Variants in RRP9 observed in about 807,000 individuals in gnomAD.
RRP9 encodes U3 small nucleolar RNA-interacting protein 2.
A neutral mutation model predicts 65.5 loss-of-function variants in RRP9; 35 were observed. The ratio of observed to expected loss-of-function variants is 0.53; its 90% CI spans 0.41 to 0.71. RRP9 has a LOEUF of 0.71. Ranked by LOEUF, RRP9 falls within the 30% of genes least tolerant of loss-of-function variation. The pLI, the probability that RRP9 is intolerant of heterozygous loss-of-function variation, is 0.00. For missense variants in RRP9, 533 were observed against 633.6 expected (o/e 0.84, Z 1.70); for synonymous variants, 254 against 245.0 (o/e 1.04, Z -0.34).
rs1232720095 is a variant in RRP9, at chr3:51,933,533, G to T, written c.1401C>A (p.Val467=). 27 of 1,614,050 alleles carry T rather than the reference G, an allele frequency of 1.7e-5. No individual in the cohort carries two copies. Among genetic ancestry groups the T allele is most frequent in the Middle Eastern group, 1.6e-4 (1 of 6,062 alleles). ...AGGAACCAGCAGCTGGGGGTACAGGGACCCTGCGGAGTGGGATGATGCAGA... is the reference window on the plus strand; with the variant it reads ...AGGAACCAGCAGCTGGGGGTACAGGTACCCTGCGGAGTGGGATGATGCAGA... ...NSVCIIPLRR[V]PVPPAAGS The change falls in exon 15 of 15, where the codon GTC becomes GTA. Residue 467 remains valine (V), a synonymous_variant. Transcript: ENST00000232888.
In RRP9 at chr3:51,934,886, G is replaced by A; in HGVS notation, c.1035-110C>T. 1 of 1,204,492 alleles carries A rather than the reference G, an allele frequency of 8.3e-7. No individual in the cohort carries two copies. The highest frequency in any genetic ancestry group is 2.4e-5 in the East Asian group (1 of 41,346). The allele number at this position is 1,204,492 out of a possible 1,614,324, so 74.6% of individuals were successfully genotyped here. A position where few individuals can be genotyped will look rare whatever the true frequency, so the allele number is the denominator to read the frequency against. ...GGATGGATACCCCATTTCCCATGATGTGATTATTACATATTGCATGCCTGT... is the reference window on the plus strand; with the variant it reads ...GGATGGATACCCCATTTCCCATGATATGATTATTACATATTGCATGCCTGT... On this transcript the variant is annotated intron_variant, in intron 11 of 14. Coordinates refer to ENST00000232888, the MANE Select transcript of RRP9 (RefSeq NM_004704.5). The surrounding 1 kb of genome is among the most constrained non-coding windows in gnomAD (Gnocchi z 4.1).
In RRP9 at chr3:51,935,446, C is replaced by A; in HGVS notation, c.867G>T (p.Leu289=). ...LFGHQDAVAA[L]DALSRECCVT... ...CACAGCACTCCCGGCTCAAGGCATC[C>A]AGTGCAGCCACAGCGTCCTGGTGTC... The change falls in exon 10 of 15, where the codon CTG becomes CTT. Residue 289 remains leucine (L), a synonymous_variant. Coordinates refer to ENST00000232888, the MANE Select transcript of RRP9 (RefSeq NM_004704.5). 1 of 1,614,186 alleles carries A rather than the reference C, an allele frequency of 6.2e-7. No individual in the cohort carries two copies. The highest frequency in any genetic ancestry group is 8.5e-7 in the Non-Finnish European group (1 of 1,180,040).
chr3:51,938,274 G>A (rs1699481449), intron 2 of RRP9, 70 bp from the exon 3 acceptor site: 3 of 1,204,172 alleles, frequency 2.5e-6, no homozygotes, highest in Admixed American at 2.5e-5. Flanking sequence ...CGTGCCTTCT[G>A]GATGCTCACC....
chr3:51,935,118 G>A, intron 11 of RRP9, 79 bp downstream of exon 11: 2 of 1,504,290 alleles, frequency 1.3e-6, no homozygotes, highest in Non-Finnish European at 9.2e-7. Context: ...GGGGTGCCCT[G>A]AGGCAAGCTC....
chr3:51,941,288 G>A, intron 2 of RRP9, 121 bp downstream of exon 2: 1 of 890,664 alleles, frequency 1.1e-6, no homozygotes, highest in Non-Finnish European at 1.8e-6. Context: ...AAACAGCCAC[G>A]ATCTCAGAGC....
At position 51,934,878 on chromosome 3, in the gene RRP9, C is replaced by A. The variant is rs1394300317; in HGVS notation, c.1035-102G>T. 6 of 1,264,946 alleles carry A rather than the reference C, an allele frequency of 4.7e-6. No homozygotes were observed. Among genetic ancestry groups the A allele is most frequent in the Non-Finnish European group, 6.6e-6 (6 of 910,886 alleles). The allele number at this position is 1,264,946 out of a possible 1,614,324, so 78.4% of individuals were successfully genotyped here. A position where few individuals can be genotyped will look rare whatever the true frequency, so the allele number is the denominator to read the frequency against. On this transcript the variant is annotated intron_variant, in intron 11 of 14. Coordinates refer to ENST00000232888, the MANE Select transcript of RRP9 (RefSeq NM_004704.5). The surrounding 1 kb of genome is among the most constrained non-coding windows in gnomAD (Gnocchi z 4.1). ...GCTTGAGGGGATGGATACCCCATTT[C>A]CCATGATGTGATTATTACATATTGC...
chr3:51,935,119 A>G (rs1699439807), intron 11 of RRP9, 78 bp downstream of exon 11: 1 of 1,422,236 alleles, frequency 7.0e-7, no homozygotes, highest in Non-Finnish European at 9.8e-7. Context: ...GGGTGCCCTG[A>G]GGCAAGCTCA....
At position 51,937,418 on chromosome 3, in the gene RRP9, G is replaced by A. The variant is rs1272061970; in HGVS notation, c.391-100C>T. ...TTGGCCTTTCCCACCCAGGCCAGAAGGAAAACAAGACCCAAGGCTACAACA... is the reference window on the plus strand; with the variant it reads ...TTGGCCTTTCCCACCCAGGCCAGAAAGAAAACAAGACCCAAGGCTACAACA... On this transcript the variant is annotated intron_variant, in intron 5 of 14. Coordinates refer to ENST00000232888, the MANE Select transcript of RRP9 (RefSeq NM_004704.5). This position sits in a 1 kb window ranked among gnomAD's most constrained non-coding sequence, Gnocchi z 5.0. 3.1e-6 allele frequency: 5 copies of A among 1,605,738 alleles called. No homozygotes were observed. Among genetic ancestry groups the A allele is most frequent in the African/African-American group, 1.3e-5 (1 of 74,702 alleles).
In RRP9 at chr3:51,935,645, G is replaced by A. The variant is rs367929424; in HGVS notation, c.783C>T (p.His261=). The A allele has an allele frequency of 7.4e-6, 12 of 1,614,066 alleles. No individual in the cohort carries two copies. Among genetic ancestry groups the A allele is most frequent in the East Asian group, 2.2e-5 (1 of 44,886 alleles). The change falls in exon 9 of 15, where the codon CAC becomes CAT. Residue 261 remains histidine, a synonymous_variant. Transcript: ENST00000232888. Reference sequence around the variant, plus strand: ...CATTCCACACCTTCACGGAGCGATCGTGGGATGTGCTGTAGAGCTGGTGGG... The same window carrying A: ...CATTCCACACCTTCACGGAGCGATCATGGGATGTGCTGTAGAGCTGGTGGG... ...RGTHQLYSTS[H]DRSVKVWNVA... is the part of the protein sequence containing the mutation.
Position 51,935,605 on chromosome 3 carries a change from A to G in RRP9, c.823T>C (p.Tyr275His). ...VKVWNVAENS[Y>H]VETLFGHQDA... ...ATCCACACTCACAGCGTCTCCACGT[A>G]GGAGTTCTCTGCCACATTCCACACC... The change falls in exon 9 of 15, where the codon TAC becomes CAC. Residue 275 changes from tyrosine to histidine, a missense_variant. Transcript: ENST00000232888. The G allele has an allele frequency of 3.7e-6, 6 of 1,614,158 alleles. No individual in the cohort carries two copies. The highest frequency in any genetic ancestry group is 4.2e-6 in the Non-Finnish European group (5 of 1,179,992).
Position 51,937,851 on chromosome 3 carries a change from A to G in RRP9, c.281-115T>C. 3 of 1,293,390 alleles carry G rather than the reference A, an allele frequency of 2.3e-6. No individual in the cohort carries two copies. In the South Asian group the frequency reaches 4.0e-5, roughly 17 times the overall value. The allele number at this position is 1,293,390 out of a possible 1,614,324, so 80.1% of individuals were successfully genotyped here. On this transcript the variant is annotated intron_variant, in intron 3 of 14. Transcript: ENST00000232888. The surrounding 1 kb of genome is among the most constrained non-coding windows in gnomAD (Gnocchi z 5.0). The stretch of plus-strand genomic sequence containing the variant: ...TAATGCAGGAAGCTCCAGCTGCCTC[A>G]GCAGAGGGGAGGGCAAGCTGGAGGG...
At position 51,937,466 on chromosome 3, in the gene RRP9, T is replaced by TG; in HGVS notation, c.390+78_390+79insC. ...ACAACCAGATCCTTACCTGACCAGA[T>TG]AGGCCCAAGTGTCCACCATGTTCCA... On this transcript the variant is annotated intron_variant, in intron 5 of 14. Transcript: ENST00000232888. The surrounding 1 kb of genome is among the most constrained non-coding windows in gnomAD (Gnocchi z 5.0). 1.9e-6 allele frequency: 3 copies of TG among 1,607,106 alleles called. No individual in the cohort carries two copies. Among genetic ancestry groups the TG allele is most frequent in the Non-Finnish European group, 2.6e-6 (3 of 1,173,804 alleles).
rs757946787 is a variant in RRP9, at chr3:51,934,480, T to C, written c.1252A>G (p.Ile418Val). 1.4e-5 allele frequency: 23 copies of C among 1,613,330 alleles called. No homozygotes were observed. In the South Asian group the frequency reaches 2.2e-4, roughly 15 times the overall value. Reference sequence around the variant, plus strand: ...CAAGCACACTCACTCACCAGGGGGATGTCACAGAGAAGGTCAAGCTGCCGG... The same window carrying C: ...CAAGCACACTCACTCACCAGGGGGACGTCACAGAGAAGGTCAAGCTGCCGG... ...GFRQLDLLCD[I>V]PLVGFINSLK... Residue 418 changes from isoleucine (I) to valine (V), a missense_variant, in exon 13 of 15, where the codon ATC (isoleucine) becomes GTC (valine). Ile to Val is a conservative substitution (Grantham distance 29). Transcript: ENST00000232888. This position sits in a 1 kb window ranked among gnomAD's most constrained non-coding sequence, Gnocchi z 4.1.
chr3:51,934,417 A>G lies in RRP9; in HGVS notation c.1260+55T>C. 6.5e-7 allele frequency: 1 copy of G among 1,536,158 alleles called. No individual in the cohort carries two copies. Among genetic ancestry groups the G allele is most frequent in the Non-Finnish European group, 8.9e-7 (1 of 1,129,350 alleles). ...AGAAAGACCTTAAAGAGCTAACTCC[A>G]GGGGCCTAGGCAGTGTGGCAGAGAC... On this transcript the variant is annotated intron_variant, in intron 13 of 14. Transcript: ENST00000232888. This position sits in a 1 kb window ranked among gnomAD's most constrained non-coding sequence, Gnocchi z 4.1.
At position 51,936,335 on chromosome 3, in the gene RRP9, G is replaced by A; in HGVS notation, c.657C>T (p.Arg219=). 1 of 1,614,194 alleles carries A rather than the reference G, an allele frequency of 6.2e-7. No individual in the cohort carries two copies. The highest frequency in any genetic ancestry group is 8.5e-7 in the Non-Finnish European group (1 of 1,180,028). The change falls in exon 8 of 15, where the codon CGC becomes CGT. Residue 219 remains arginine (R), a synonymous_variant. Transcript: ENST00000232888. Reference sequence around the variant, plus strand: ...CCTCCCAAATGAGAATGAGCTTGCTGCGGTCACCAGAGGCCTGCAGGGATG... The same window carrying A: ...CCTCCCAAATGAGAATGAGCTTGCTACGGTCACCAGAGGCCTGCAGGGATG... The part of the protein sequence containing the change: ...SDGKYLASGD[R]SKLILIWEAQ...
Position 51,937,739 on chromosome 3 carries a change from G to A in RRP9, c.281-3C>T, listed in dbSNP as rs1699476246. 4 of 1,613,912 alleles carry A rather than the reference G, an allele frequency of 2.5e-6. No homozygotes were observed. Among genetic ancestry groups the A allele is most frequent in the African/African-American group, 1.3e-5 (1 of 75,028 alleles). On this transcript the variant is annotated splice_polypyrimidine_tract_variant and splice_region_variant and intron_variant, in intron 3 of 14. Coordinates refer to ENST00000232888, the MANE Select transcript of RRP9 (RefSeq NM_004704.5). This position sits in a 1 kb window ranked among gnomAD's most constrained non-coding sequence, Gnocchi z 5.0. ...ACGGGCCTCAGCCTTCTCCTCCTCTGTGCAGGACAGACCAGACCAAGTAAA... is the reference window on the plus strand; with the variant it reads ...ACGGGCCTCAGCCTTCTCCTCCTCTATGCAGGACAGACCAGACCAAGTAAA...
rs1186840059 is a variant in RRP9 at position 51,941,779 on chromosome 3, A to G, written c.87+2T>C. 1.3e-6 allele frequency: 2 copies of G among 1,557,040 alleles called. No homozygotes were observed. Among genetic ancestry groups the G allele is most frequent in the African/African-American group, 2.7e-5 (2 of 73,414 alleles). On this transcript the variant is annotated splice_donor_variant, in intron 1 of 14. Transcript: ENST00000232888. LOFTEE classifies it high-confidence loss of function. ...CGCGGCCCTCAGAAGCGCCATGCTC[A>G]CCTTTCGCCGCCGCTTGCCGGCCCC...
At chr3:51,939,629 T>G (rs1366116727) in intron 2 of RRP9, among the ~76,000 whole-genome samples, 2 of 152,148 alleles carry the variant, frequency 1.3e-5, no homozygotes, top group African/African-American at 4.8e-5. Flanking sequence ...AACTATAACT[T>G]TAAAAAGGGC....
chr3:51,937,025 C>G lies in RRP9; in HGVS notation c.517+167G>C, dbSNP rs148147643. Among the ~76,000 whole-genome samples the G allele has an allele frequency of 6.6e-6, 1 of 152,184 alleles. No individual in the cohort carries two copies. The highest frequency in any genetic ancestry group is 2.4e-5 in the African/African-American group (1 of 41,440). On this transcript the variant is annotated intron_variant, in intron 6 of 14. Coordinates refer to ENST00000232888, the MANE Select transcript of RRP9 (RefSeq NM_004704.5). This position sits in a 1 kb window ranked among gnomAD's most constrained non-coding sequence, Gnocchi z 5.0. ...ACAGGGAGCTCATAAGCCCCACTGC[C>G]GGGCAGCAGCTTTCACTGTCACCCA...
Sources: allele counts gnomAD v4.1 joint callset (sites outside exome capture counted in the v4.1 genomes callset), GRCh38; gene constraint gnomAD v4.1.1; non-coding constraint Gnocchi (gnomAD v3.1); transcripts MANE v1.5; gene names NCBI Gene and HGNC (gene_info 2026-07-23, HGNC 2026-07-21).